Variants in CSNK1G1 observed in about 807,000 individuals in gnomAD.
CSNK1G1 encodes the protein casein kinase I isoform gamma-1.
A neutral mutation model predicts 59.6 loss-of-function variants in CSNK1G1; 22 were observed. That is an observed-to-expected ratio of 0.37 (90% confidence interval 0.26 to 0.53). The LOEUF (loss-of-function observed/expected upper bound fraction) is 0.53. Ranked by LOEUF, CSNK1G1 falls within the 20% of genes least tolerant of loss-of-function variation. CSNK1G1 has a pLI of 0.89. For synonymous variants in CSNK1G1, 179 were observed against 177.1 expected (o/e 1.01, Z -0.08); for missense variants, 384 against 519.5 (o/e 0.74, Z 2.54).
intron 2 of CSNK1G1, among the ~76,000 whole-genome samples, chr15:64,269,329 C>G (rs1394024964): frequency 2.0e-5 from 3 of 151,874 alleles, no homozygotes; most frequent in Non-Finnish European, 4.4e-5. Context: ...TGGTTGGTAG[C>G]CTATTTATTA....
intron 1 of CSNK1G1, among the ~76,000 whole-genome samples, chr15:64,306,480 A>G (rs1895690880): frequency 6.6e-6 from 1 of 152,240 alleles, no homozygotes; most frequent in African/African-American, 2.4e-5. Context: ...AAACACTGAC[A>G]ACATCAAATG....
intron 1 of CSNK1G1, among the ~76,000 whole-genome samples, chr15:64,318,613 C>CTT (rs761084189): frequency 1.5e-5 from 2 of 135,708 alleles, no homozygotes. Flanking sequence ...GTGGCATGAT[C>CTT]TTTTTTTTTT....
intron 10 of CSNK1G1, among the ~76,000 whole-genome samples, chr15:64,196,759 G>C (rs2082043926): frequency 6.6e-6 from 1 of 151,150 alleles, no homozygotes; most frequent in Non-Finnish European, 1.5e-5. Flanking sequence ...GCAATCACCT[G>C]AACTTTCTTT....
At chr15:64,335,173 C>A (rs532831794) in intron 1 of CSNK1G1, among the ~76,000 whole-genome samples, 15 of 152,140 alleles carry the variant, frequency 9.9e-5, no homozygotes, top group Non-Finnish European at 2.2e-4. Flanking sequence ...AAACATATTT[C>A]AATACCTGAT....
At chr15:64,317,768 G>T (rs1261131540) in intron 1 of CSNK1G1, among the ~76,000 whole-genome samples, 1 of 152,156 alleles carries the variant, frequency 6.6e-6, no homozygotes, top group Non-Finnish European at 1.5e-5. Flanking sequence ...GAAGTGCTGG[G>T]ATTATAGGCG....
At chr15:64,239,224 G>A (rs2082661722) in intron 4 of CSNK1G1, among the ~76,000 whole-genome samples, 1 of 152,126 alleles carries the variant, frequency 6.6e-6, no homozygotes, top group Non-Finnish European at 1.5e-5. Context: ...CAACACAGTG[G>A]TACAGAAACA....
At chr15:64,215,402 T>C (rs1048999520) in intron 5 of CSNK1G1, among the ~76,000 whole-genome samples, 28 of 151,792 alleles carry the variant, frequency 1.8e-4, no homozygotes, top group African/African-American at 6.5e-4. Context: ...TTAGTAGAGA[T>C]GGGGTTTCAC....
At chr15:64,317,773 T>C (rs945366274) in intron 1 of CSNK1G1, among the ~76,000 whole-genome samples, 1 of 152,266 alleles carries the variant, frequency 6.6e-6, no homozygotes, top group African/African-American at 2.4e-5. Context: ...GCTGGGATTA[T>C]AGGCGTGAGC....
chr15:64,187,361 T>C (rs1275017045), intron 10 of CSNK1G1, among the ~76,000 whole-genome samples: 2 of 151,534 alleles, frequency 1.3e-5, no homozygotes, highest in Admixed American at 6.6e-5. Flanking sequence ...CTGGCTAATT[T>C]TTTTTTTTTT....
chr15:64,302,694 G>A (rs1566939825), intron 1 of CSNK1G1, among the ~76,000 whole-genome samples: 1 of 152,152 alleles, frequency 6.6e-6, no homozygotes, highest in Non-Finnish European at 1.5e-5. Context: ...TTGGGAGTAT[G>A]TCTATACGTG....
At chr15:64,334,908 C>A (rs1897306156) in intron 1 of CSNK1G1, among the ~76,000 whole-genome samples, 1 of 152,214 alleles carries the variant, frequency 6.6e-6, no homozygotes, top group Admixed American at 6.5e-5. Flanking sequence ...AGCAGTTAAA[C>A]TTACCTTCAC....
intron 6 of CSNK1G1, among the ~76,000 whole-genome samples, chr15:64,208,738 G>T (rs1205967664): frequency 6.6e-6 from 1 of 152,102 alleles, no homozygotes; most frequent in Non-Finnish European, 1.5e-5. Context: ...ATGTCGCTAT[G>T]TTGCTCAAGC....
At chr15:64,174,591 T>A (rs148234446) in intron 11 of CSNK1G1, among the ~76,000 whole-genome samples, 2 of 152,342 alleles carry the variant, frequency 1.3e-5, no homozygotes, top group African/African-American at 4.8e-5. Flanking sequence ...TTCCTTTCAG[T>A]TGATTCTTTG....
At chr15:64,290,460 TAAGTG>T (rs1184391721) in intron 2 of CSNK1G1, among the ~76,000 whole-genome samples, 1 of 152,148 alleles carries the variant, frequency 6.6e-6, no homozygotes, top group Non-Finnish European at 1.5e-5. Flanking sequence ...GCCATTAACT[TAAGTG>T]AAACAACTCA....
At chr15:64,281,566 G>A (rs1336214566) in intron 2 of CSNK1G1, among the ~76,000 whole-genome samples, 3 of 152,154 alleles carry the variant, frequency 2.0e-5, no homozygotes, top group African/African-American at 4.8e-5. Flanking sequence ...GGCTGGGGGC[G>A]GTGGCTCAAG....
At chr15:64,259,146 GAT>G (rs1892553384) in intron 3 of CSNK1G1, 53 bp downstream of exon 3, 1 of 1,429,522 alleles carries the variant, frequency 7.0e-7, no homozygotes, top group Non-Finnish European at 9.6e-7. Context: ...CCTATAAAAA[GAT>G]ATAAGCAATG....
chr15:64,327,243 A>G (rs1358034542), intron 1 of CSNK1G1, among the ~76,000 whole-genome samples: 1 of 152,106 alleles, frequency 6.6e-6, no homozygotes, highest in Non-Finnish European at 1.5e-5. Context: ...ACAAAAAGAC[A>G]GCAGTAACCT....
chr15:64,249,600 C>T (rs1891962176), intron 4 of CSNK1G1, among the ~76,000 whole-genome samples: 1 of 152,212 alleles, frequency 6.6e-6, no homozygotes, highest in South Asian at 2.1e-4. Context: ...CTAACCAGTA[C>T]AACAGAGCCC....
intron 1 of CSNK1G1, among the ~76,000 whole-genome samples, chr15:64,320,929 A>G (rs1002553308): frequency 6.6e-6 from 1 of 152,140 alleles, no homozygotes; most frequent in African/African-American, 2.4e-5. Flanking sequence ...CATTGCCAAA[A>G]ACAAGGGTGG....
Sources: allele counts gnomAD v4.1 joint callset (sites outside exome capture counted in the v4.1 genomes callset), GRCh38; gene constraint gnomAD v4.1.1; transcripts MANE v1.5; gene names NCBI Gene and HGNC (gene_info 2026-07-23, HGNC 2026-07-21).